CAMK1D: variants seen among roughly 807,000 people sequenced by gnomAD.
CAMK1D encodes calcium/calmodulin-dependent protein kinase type 1D.
In CAMK1D, 9 loss-of-function variants were observed where a neutral mutation model predicts 47.7. That is an observed-to-expected ratio of 0.19 (90% CI 0.11 to 0.33). The LOEUF (loss-of-function observed/expected upper bound fraction) is 0.33, where lower values mean the gene tolerates loss of function less well. CAMK1D is among the 10% of genes least tolerant of loss of function. The pLI, the probability that CAMK1D is intolerant of heterozygous loss-of-function variation, is 1.00. For missense variants in CAMK1D, 291 were observed against 488.7 expected, an observed-to-expected ratio of 0.60 and a Z score of 3.81; for synonymous variants, 184 against 184.9, an observed-to-expected ratio of 0.99 and a Z score of 0.04.
intron 1 of CAMK1D, among the ~76,000 whole-genome samples, chr10:12,403,783 G>C (rs916270974): frequency 6.6e-5 from 10 of 151,958 alleles, no homozygotes; most frequent in African/African-American, 2.4e-4. Context: ...GAACTTCTAA[G>C]TGTGTTTTTT....
At chr10:12,685,995 T>C (rs1588788398) in intron 3 of CAMK1D, among the ~76,000 whole-genome samples, 2 of 152,340 alleles carry the variant, frequency 1.3e-5, no homozygotes, top group East Asian at 3.9e-4. Flanking sequence ...AGCTGATACA[T>C]TCACTGTGTA....
intron 2 of CAMK1D, among the ~76,000 whole-genome samples, chr10:12,565,491 T>A (rs145685841): frequency 0.01 from 1,569 of 152,338 alleles, 30 homozygotes; most frequent in African/African-American, 0.036. Context: ...TGACCTCAGA[T>A]GATCTGCCCG....
At chr10:12,429,715 C>T (rs1013156653) in intron 1 of CAMK1D, among the ~76,000 whole-genome samples, 1 of 152,152 alleles carries the variant, frequency 6.6e-6, no homozygotes, top group Non-Finnish European at 1.5e-5. Context: ...CAGCCCTTAG[C>T]ACATGGGCTG....
intron 6 of CAMK1D, among the ~76,000 whole-genome samples, chr10:12,810,270 G>A (rs114558654): frequency 7.6e-6 from 1 of 130,948 alleles, no homozygotes; most frequent in Non-Finnish European, 1.6e-5. Context: ...TACTGCCCTA[G>A]CACCACTTTT....
Position 12,611,609 on chromosome 10 carries a change from T to TTTTTTTTTTTTTG in CAMK1D, c.225-55127_225-55126insTTTTTTTTTTTTG, listed in dbSNP as rs1554796845. Among the ~76,000 whole-genome samples, 8 of 124,766 alleles carry TTTTTTTTTTTTTG rather than the reference T, an allele frequency of 6.4e-5. 1 individual carries two copies. The highest frequency in any genetic ancestry group is 2.8e-4 in the Admixed American group (3 of 10,712). 81.9% of individuals were successfully genotyped at this position (124,766 alleles called of 152,430 possible). ...ATGCCTTTTTTTTTTTTTTTTTTTT[T>TTTTTTTTTTTTTG]GAGACAGAGTCTTACTCTGTCTCCC... On this transcript the variant is annotated intron_variant, in intron 2 of 10. Coordinates refer to ENST00000619168, the MANE Select transcript of CAMK1D (RefSeq NM_153498.4).
Position 12,694,236 on chromosome 10 carries a change from ATATAT to A in CAMK1D, c.299+27427_299+27431del, listed in dbSNP as rs1294952273. Among the ~76,000 whole-genome samples the A allele has an allele frequency of 2.9e-5, 2 of 68,210 alleles. 1 individual carries two copies. The highest frequency in any genetic ancestry group is 5.0e-5 in the Non-Finnish European group (2 of 40,276). 44.7% of individuals were successfully genotyped at this position (68,210 alleles called of 152,430 possible). ...TAATATAAAATATATATTATGTATA[ATATAT>A]AATATATATTATGTATAATATATAA... On this transcript the variant is annotated intron_variant, in intron 3 of 10. Coordinates refer to ENST00000619168, the MANE Select transcript of CAMK1D (RefSeq NM_153498.4).
In CAMK1D at chr10:12,830,964, C is replaced by CACACACACAA. The variant is rs529970088; in HGVS notation, c.*2078_*2079insCACACACAAA. 0.026 allele frequency: 2,377 copies of CACACACACAA among 89,766 alleles called. 39 individuals are homozygous for CACACACACAA. Among genetic ancestry groups the CACACACACAA allele is most frequent in the Middle Eastern group, 0.091 (17 of 186 alleles). 5.6% of individuals were successfully genotyped at this position (89,766 alleles called of 1,614,324 possible). A position where few individuals can be genotyped will look rare whatever the true frequency, so the allele number is the denominator to read the frequency against. ...ACACACACACACACACACACACACA[C>CACACACACAA]AATGTTATTAGGCACAGCAGCTCCA... On this transcript the variant is annotated 3_prime_UTR_variant, in exon 11 of 11. Coordinates refer to ENST00000619168, the MANE Select transcript of CAMK1D (RefSeq NM_153498.4).
chr10:12,533,969 A>G (rs1482774958), intron 1 of CAMK1D, among the ~76,000 whole-genome samples: 1 of 152,180 alleles, frequency 6.6e-6, no homozygotes, highest in Non-Finnish European at 1.5e-5. Context: ...GGCAAGGGAC[A>G]AAAGAATCTG....
At chr10:12,591,661 G>A (rs537090576) in intron 2 of CAMK1D, among the ~76,000 whole-genome samples, 1 of 152,350 alleles carries the variant, frequency 6.6e-6, no homozygotes, top group East Asian at 1.9e-4. Context: ...TTCTGTTCAC[G>A]TAGGCAGCTC....
At chr10:12,728,790 G>A (rs543228783) in intron 3 of CAMK1D, among the ~76,000 whole-genome samples, 48 of 152,320 alleles carry the variant, frequency 3.2e-4, no homozygotes, top group African/African-American at 1.1e-3. Context: ...GACTGCTGCT[G>A]GTGTCTGGCT....
intron 1 of CAMK1D, among the ~76,000 whole-genome samples, chr10:12,406,506 A>G (rs769020960): frequency 1.3e-5 from 2 of 151,942 alleles, no homozygotes; most frequent in Non-Finnish European, 2.9e-5. Flanking sequence ...CAGGAGTTCG[A>G]GACCAGCCTG....
chr10:12,700,302 G>A (rs1161567832), intron 3 of CAMK1D, among the ~76,000 whole-genome samples: 1 of 152,172 alleles, frequency 6.6e-6, no homozygotes, highest in Non-Finnish European at 1.5e-5. Flanking sequence ...TAGAATCATG[G>A]CAAAGGGGGA....
chr10:12,691,438 T>TGAGTGAGAGTCTCGCTC (rs1832921255), intron 3 of CAMK1D, among the ~76,000 whole-genome samples: 1 of 75,210 alleles, frequency 1.3e-5, no homozygotes, highest in Non-Finnish European at 2.5e-5. Context: ...TTTTTTTTTT[T>TGAGTGAGAGTCTCGCTC]TTTTTTTTTT....
chr10:12,722,470 A>C (rs1239271844), intron 3 of CAMK1D, among the ~76,000 whole-genome samples: 3 of 151,104 alleles, frequency 2.0e-5, no homozygotes, highest in African/African-American at 7.3e-5. Context: ...AAAAAAAAAA[A>C]AAAAAGATAA....
intron 2 of CAMK1D, among the ~76,000 whole-genome samples, chr10:12,628,991 C>G (rs1374193453): frequency 6.6e-6 from 1 of 152,084 alleles, no homozygotes; most frequent in Non-Finnish European, 1.5e-5. Flanking sequence ...CTAGATGTAC[C>G]ACAGTTTACC....
chr10:12,655,620 T>TGCTGGATTTTTCAC (rs1840096187), intron 2 of CAMK1D, among the ~76,000 whole-genome samples: 2 of 152,224 alleles, frequency 1.3e-5, no homozygotes, highest in South Asian at 4.1e-4. Context: ...TGTTGATATG[T>TGCTGGATTTTTCAC]GCTGGATTTT....
chr10:12,796,863 G>T (rs1838216548), intron 6 of CAMK1D, among the ~76,000 whole-genome samples: 1 of 152,060 alleles, frequency 6.6e-6, no homozygotes. Flanking sequence ...AGACATCTTT[G>T]TGAATTGATT....
At chr10:12,657,418 T>G (rs1840148419) in intron 2 of CAMK1D, among the ~76,000 whole-genome samples, 1 of 72,290 alleles carries the variant, frequency 1.4e-5, no homozygotes, top group African/African-American at 4.4e-5. Context: ...AGAGAGACTC[T>G]GTCTCATAAA....
chr10:12,413,416 T>C (rs1401592280), intron 1 of CAMK1D, among the ~76,000 whole-genome samples: 1 of 141,778 alleles, frequency 7.1e-6, no homozygotes, highest in African/African-American at 2.7e-5. Context: ...CAGGGACAAA[T>C]ATCCAAACTT....
Sources: allele counts gnomAD v4.1 joint callset (sites outside exome capture counted in the v4.1 genomes callset), GRCh38; gene constraint gnomAD v4.1.1; transcripts MANE v1.5; gene names NCBI Gene and HGNC (gene_info 2026-07-23, HGNC 2026-07-21).